The following SPSB4 variants were observed in gnomAD, a reference collection of about 807,000 sequenced individuals.
SPSB4 encodes the protein SPRY domain-containing SOCS box protein 4.
A neutral mutation model predicts 20.9 loss-of-function variants in SPSB4; 21 were observed. That is an observed-to-expected ratio of 1.01 (90% CI 0.71 to 1.45). SPSB4 has a LOEUF of 1.45. Among genes scored for constraint, SPSB4 ranks in the 40% most tolerant of loss-of-function variants. The pLI is 0.00. For synonymous variants in SPSB4, 207 were observed against 183.8 expected (o/e 1.13, Z -1.02); for missense variants, 399 against 399.2 (o/e 1.00, Z 0.00).
intron 1 of SPSB4, among the ~76,000 whole-genome samples, chr3:141,052,488 G>GTTGTT (rs1936111202): frequency 2.0e-5 from 3 of 152,238 alleles, no homozygotes; most frequent in Admixed American, 2.0e-4. Context: ...GCGAGCCCAA[G>GTTGTT]CTTGTTATCC....
At chr3:141,139,015 G>T (rs1384211391) in intron 2 of SPSB4, among the ~76,000 whole-genome samples, 2 of 152,168 alleles carry the variant, frequency 1.3e-5, no homozygotes, top group African/African-American at 4.8e-5. Context: ...GAATCTGTGT[G>T]CTCCTGTGTT....
Position 141,093,002 on chromosome 3 carries a change from A to T in SPSB4, c.694+26204A>T, listed in dbSNP as rs887528764. Among the ~76,000 whole-genome samples the T allele has an allele frequency of 4.6e-5, 7 of 152,064 alleles. No homozygotes were observed. The South Asian group carries it at 1.5e-3, about 32-fold the overall frequency. ...GCTCAGAGGAGGCTGTAGTCACACC[A>T]TGGTTGCTGGCCTGCAGTACAGGCT... On this transcript the variant is annotated intron_variant, in intron 2 of 2. Coordinates refer to ENST00000310546, the MANE Select transcript of SPSB4 (RefSeq NM_080862.3).
intron 2 of SPSB4, among the ~76,000 whole-genome samples, chr3:141,124,795 G>A (rs1459922278): frequency 6.6e-6 from 1 of 152,142 alleles, no homozygotes; most frequent in South Asian, 2.1e-4. Flanking sequence ...ACTGCGGAGA[G>A]TTGACATGTC....
chr3:141,096,451 C>T (rs1333501622), intron 2 of SPSB4, among the ~76,000 whole-genome samples: 1 of 152,202 alleles, frequency 6.6e-6, no homozygotes, highest in East Asian at 1.9e-4. Context: ...TTTCATGGAA[C>T]ATATTGCCAG....
At chr3:141,144,642 A>G (rs1354829276) in intron 2 of SPSB4, among the ~76,000 whole-genome samples, 2 of 152,168 alleles carry the variant, frequency 1.3e-5, no homozygotes, top group Admixed American at 6.5e-5. Flanking sequence ...GATGATTTAT[A>G]TTTCACATTT....
At chr3:141,053,038 G>C (rs1388551087) in intron 1 of SPSB4, among the ~76,000 whole-genome samples, 1 of 152,160 alleles carries the variant, frequency 6.6e-6, no homozygotes, top group Non-Finnish European at 1.5e-5. Context: ...TCAGGCTTGG[G>C]TTCGAATCTG....
chr3:141,104,747 G>A (rs112300843), intron 2 of SPSB4, among the ~76,000 whole-genome samples: 2,890 of 152,318 alleles, frequency 0.019, 52 homozygotes, highest in Non-Finnish European at 0.026. Context: ...TTGTGGCCCC[G>A]GTTTACGAAA....
intron 2 of SPSB4, among the ~76,000 whole-genome samples, chr3:141,075,939 A>C (rs978456395): frequency 6.6e-6 from 1 of 151,766 alleles, no homozygotes; most frequent in African/African-American, 2.4e-5. Context: ...ACATGCCTGT[A>C]ATCCCAGCTA....
chr3:141,092,558 A>C (rs1938474773), intron 2 of SPSB4, among the ~76,000 whole-genome samples: 1 of 152,198 alleles, frequency 6.6e-6, no homozygotes. Flanking sequence ...GGACTCTGCC[A>C]GAATAACTCT....
chr3:141,071,658 C>T (rs1329911249), intron 2 of SPSB4, among the ~76,000 whole-genome samples: 1 of 152,156 alleles, frequency 6.6e-6, no homozygotes, highest in East Asian at 1.9e-4. Flanking sequence ...CCAACCTGCC[C>T]AAGCCTGCCC....
At chr3:141,079,264 CAAA>C (rs112482116) in intron 2 of SPSB4, among the ~76,000 whole-genome samples, 2 of 122,106 alleles carry the variant, frequency 1.6e-5, no homozygotes, top group Non-Finnish European at 3.6e-5. Context: ...GACTCCATCT[CAAA>C]AAAAAAAAAA....
At chr3:141,061,738 C>T (rs1403098917) in intron 1 of SPSB4, among the ~76,000 whole-genome samples, 5 of 94,846 alleles carry the variant, frequency 5.3e-5, no homozygotes, top group African/African-American at 1.4e-4. Flanking sequence ...TTCTTTCTTT[C>T]TTTTTTTTTT....
chr3:141,076,565 C>T (rs1308843263), intron 2 of SPSB4, among the ~76,000 whole-genome samples: 1 of 152,212 alleles, frequency 6.6e-6, no homozygotes, highest in Admixed American at 6.5e-5. Flanking sequence ...CAGCATAGCT[C>T]ATTTAATCTC....
At chr3:141,088,601 C>A (rs917104396) in intron 2 of SPSB4, among the ~76,000 whole-genome samples, 3 of 152,206 alleles carry the variant, frequency 2.0e-5, no homozygotes, top group Non-Finnish European at 4.4e-5. Flanking sequence ...GGGGAGTTAA[C>A]ACCCTTGGGG....
At chr3:141,080,756 G>C (rs1938215066) in intron 2 of SPSB4, among the ~76,000 whole-genome samples, 1 of 152,210 alleles carries the variant, frequency 6.6e-6, no homozygotes. Flanking sequence ...GCTGACACAG[G>C]CAACCTCCCT....
intron 2 of SPSB4, among the ~76,000 whole-genome samples, chr3:141,082,882 C>T (rs1938265707): frequency 6.6e-6 from 1 of 152,158 alleles, no homozygotes; most frequent in African/African-American, 2.4e-5. Context: ...ATGAGCTGCA[C>T]CAGGCTTTCT....
intron 2 of SPSB4, among the ~76,000 whole-genome samples, chr3:141,117,663 C>T (rs148930030): frequency 7.4e-4 from 112 of 152,298 alleles, no homozygotes; most frequent in African/African-American, 1.2e-3. Flanking sequence ...CCCCATCCCC[C>T]GCCCAACAGG....
intron 2 of SPSB4, among the ~76,000 whole-genome samples, chr3:141,146,407 C>G (rs1468483837): frequency 1.3e-5 from 2 of 152,184 alleles, no homozygotes; most frequent in African/African-American, 4.8e-5. Flanking sequence ...GAGGAAACCC[C>G]TCTGCAGATC....
chr3:141,054,964 C>CA (rs67391798), intron 1 of SPSB4, among the ~76,000 whole-genome samples: 12 of 135,162 alleles, frequency 8.9e-5, no homozygotes, highest in South Asian at 7.3e-4. Flanking sequence ...GACTCCGTCT[C>CA]AAAAAAAAAA....
Sources: gnomAD v4.1 joint callset for allele counts (sites outside exome capture counted in the v4.1 genomes callset) on GRCh38, gnomAD v4.1.1 for gene constraint, MANE v1.5 for transcripts, NCBI Gene and HGNC (gene_info 2026-07-23, HGNC 2026-07-21) for gene names.